Variants in LAMA2 observed in about 807,000 individuals in gnomAD.
LAMA2 encodes laminin subunit alpha 2.
A neutral mutation model predicts 364.8 loss-of-function variants in LAMA2; 269 were observed. The observed-to-expected ratio is 0.74, with a 90% CI of 0.67 to 0.82. The LOEUF (loss-of-function observed/expected upper bound fraction) is 0.82, where lower values mean the gene tolerates loss of function less well. Ranked by LOEUF, LAMA2 falls within the 40% of genes least tolerant of loss-of-function variation. LAMA2 has a pLI of 0.00. For missense variants in LAMA2, 3,807 were observed against 3,873.2 expected (o/e 0.98, Z 0.45); for synonymous variants, 1,379 against 1,370.6 (o/e 1.01, Z -0.14).
chr6:129,436,424 C>T (rs1174386344), intron 41 of LAMA2, among the ~76,000 whole-genome samples: 1 of 152,138 alleles, frequency 6.6e-6, no homozygotes, highest in Non-Finnish European at 1.5e-5. Context: ...TTATAGATTG[C>T]ACCTGTACCA....
chr6:129,435,385 G>A (rs547484145), intron 41 of LAMA2, among the ~76,000 whole-genome samples: 2 of 152,218 alleles, frequency 1.3e-5, no homozygotes, highest in Admixed American at 6.5e-5. Flanking sequence ...CTTTATTTCA[G>A]AGAGTATGCT....
intron 45 of LAMA2, among the ~76,000 whole-genome samples, chr6:129,446,830 C>G (rs184382662): frequency 3.3e-5 from 5 of 151,688 alleles, no homozygotes; most frequent in Admixed American, 3.3e-4. Flanking sequence ...TAAACAACTC[C>G]AAGACAGTAA....
chr6:128,960,504 TGCCTGCCACCAAACCCG>T (rs1781419847), intron 1 of LAMA2, among the ~76,000 whole-genome samples: 2 of 142,370 alleles, frequency 1.4e-5, no homozygotes, highest in South Asian at 4.4e-4. Flanking sequence ...GGATTTCAGG[TGCCTGCCACCAAACCCG>T]GCTAATTTTT....
chr6:129,019,069 T>C (rs1785253430), intron 1 of LAMA2, among the ~76,000 whole-genome samples: 1 of 152,116 alleles, frequency 6.6e-6, no homozygotes, highest in African/African-American at 2.4e-5. Context: ...CTATGCCCAC[T>C]GTACTGTTTT....
At chr6:129,202,856 A>G (rs1782393051) in intron 12 of LAMA2, among the ~76,000 whole-genome samples, 1 of 152,226 alleles carries the variant, frequency 6.6e-6, no homozygotes, top group Non-Finnish European at 1.5e-5. Context: ...GAAGAAATGT[A>G]GAAAGTTCTT....
chr6:129,029,707 A>G (rs1238746384), intron 1 of LAMA2, among the ~76,000 whole-genome samples: 1 of 152,050 alleles, frequency 6.6e-6, no homozygotes, highest in African/African-American at 2.4e-5. Flanking sequence ...TTGTGAGATA[A>G]ACTGCAGTAA....
chr6:129,405,022 G>A (rs1780176335), intron 40 of LAMA2, among the ~76,000 whole-genome samples: 1 of 152,000 alleles, frequency 6.6e-6, no homozygotes, highest in Admixed American at 6.6e-5. Context: ...CAAAATAGTG[G>A]CATGATCATT....
intron 3 of LAMA2, among the ~76,000 whole-genome samples, chr6:129,097,357 T>C (rs1196098194): frequency 6.6e-6 from 1 of 152,248 alleles, no homozygotes. Flanking sequence ...GACACAGATA[T>C]GCACTACCAC....
At chr6:129,284,832 A>C (rs1019995864) in intron 18 of LAMA2, among the ~76,000 whole-genome samples, 1 of 152,084 alleles carries the variant, frequency 6.6e-6, no homozygotes, top group Non-Finnish European at 1.5e-5. Flanking sequence ...AAATAACTGC[A>C]TGTGTTATCT....
At chr6:129,320,498 G>T in intron 27 of LAMA2, 40 bp from the exon 28 acceptor site, 2 of 1,166,208 alleles carry the variant, frequency 1.7e-6, no homozygotes, top group South Asian at 2.4e-5. Context: ...GATCTTAACT[G>T]ACTGTCATAG....
chr6:129,501,125 T>C (rs898421556), intron 58 of LAMA2, among the ~76,000 whole-genome samples: 2 of 152,234 alleles, frequency 1.3e-5, no homozygotes, highest in Non-Finnish European at 2.9e-5. Flanking sequence ...GAGACGGTCC[T>C]CTGTCCGGGA....
chr6:129,023,422 AT>A (rs1785582349), intron 1 of LAMA2, among the ~76,000 whole-genome samples: 1 of 152,000 alleles, frequency 6.6e-6, no homozygotes, highest in Non-Finnish European at 1.5e-5. Flanking sequence ...TTTCCATTCC[AT>A]AGAGTCTGAT....
At chr6:128,910,856 GA>G (rs1425760464) in intron 1 of LAMA2, among the ~76,000 whole-genome samples, 1 of 151,230 alleles carries the variant, frequency 6.6e-6, no homozygotes, top group Non-Finnish European at 1.5e-5. Flanking sequence ...CCTTCTAACA[GA>G]CAGGACCCTC....
At chr6:129,321,653 T>C (rs1379534557) in intron 28 of LAMA2, among the ~76,000 whole-genome samples, 2 of 152,202 alleles carry the variant, frequency 1.3e-5, no homozygotes, top group Non-Finnish European at 2.9e-5. Flanking sequence ...GCACCTGGTG[T>C]GTAGATGATG....
intron 40 of LAMA2, among the ~76,000 whole-genome samples, chr6:129,405,721 G>T (rs544514232): frequency 6.6e-6 from 1 of 152,258 alleles, no homozygotes; most frequent in South Asian, 2.1e-4. Context: ...TAATAGATCA[G>T]TATAATATAG....
chr6:128,943,917 A>G (rs1051147302), intron 1 of LAMA2, among the ~76,000 whole-genome samples: 1 of 152,182 alleles, frequency 6.6e-6, no homozygotes, highest in Non-Finnish European at 1.5e-5. Context: ...TGGTACATGT[A>G]TGTATGAGGG....
intron 40 of LAMA2, among the ~76,000 whole-genome samples, chr6:129,419,437 A>G (rs1201122041): frequency 6.6e-6 from 1 of 152,110 alleles, no homozygotes; most frequent in Non-Finnish European, 1.5e-5. Context: ...ACACCTCTCC[A>G]TTACCTTTAC....
At chr6:128,943,380 C>T (rs991622026) in intron 1 of LAMA2, among the ~76,000 whole-genome samples, 9 of 151,974 alleles carry the variant, frequency 5.9e-5, no homozygotes, top group Admixed American at 2.6e-4. Context: ...ACCTCCCAGA[C>T]TCAAGCAATT....
intron 12 of LAMA2, among the ~76,000 whole-genome samples, chr6:129,233,699 C>T (rs923679319): frequency 4.6e-5 from 7 of 152,094 alleles, no homozygotes; most frequent in African/African-American, 1.7e-4. Flanking sequence ...CGGACTTGCA[C>T]AGTTCAAACC....
Sources: gnomAD v4.1 joint callset for allele counts (sites outside exome capture counted in the v4.1 genomes callset) on GRCh38, gnomAD v4.1.1 for gene constraint, MANE v1.5 for transcripts, NCBI Gene and HGNC (gene_info 2026-07-23, HGNC 2026-07-21) for gene names.